The following SECTM1 variants were observed in gnomAD, a reference collection of about 807,000 sequenced individuals.
SECTM1 encodes the protein secreted and transmembrane protein 1.
SECTM1 carries 10 observed loss-of-function variants against 18.1 expected under a neutral mutation model. The ratio of observed to expected loss-of-function variants is 0.55; its 90% confidence interval spans 0.34 to 0.94. The LOEUF (loss-of-function observed/expected upper bound fraction) is 0.94. Among genes scored for constraint, SECTM1 ranks in the 40% least tolerant of loss-of-function variants. SECTM1 has a pLI of 0.02. For synonymous variants in SECTM1, 137 were observed against 139.2 expected (o/e 0.98, Z 0.11); for missense variants, 297 against 322.6 (o/e 0.92, Z 0.61).
intron 3 of SECTM1, among the ~76,000 whole-genome samples, chr17:82,324,047 C>T (rs939421934): frequency 2.0e-5 from 3 of 151,874 alleles, no homozygotes; most frequent in Admixed American, 6.6e-5. Context: ...AAGGGTGCTG[C>T]GCGGGCGACC....
In SECTM1 at chr17:82,322,376, G is replaced by T. The variant is rs771381496; in HGVS notation, c.538-6C>A. 4 of 1,613,282 alleles carry T rather than the reference G, an allele frequency of 2.5e-6. No individual in the cohort carries two copies. Among genetic ancestry groups the T allele is most frequent in the Non-Finnish European group, 3.4e-6 (4 of 1,179,630 alleles). ...TCTAGGAGGAAGAACTTCTTCTGCA[G>T]GGGGAGGAAGGAGGTGCCTGTGTGA... On this transcript the variant is annotated splice_polypyrimidine_tract_variant and splice_region_variant and intron_variant, in intron 4 of 4. Coordinates refer to ENST00000269389, the MANE Select transcript of SECTM1 (RefSeq NM_003004.3).
rs557589370 is a variant in SECTM1 at position 82,332,064 on chromosome 17, C to T, written c.-53+1636G>A. On this transcript the variant is annotated intron_variant, in intron 1 of 4. Transcript: ENST00000269389. ...GGCTGAGGCAGGAGAATCGCTTGAA[C>T]CAGGGAGGTGGAGGTTGTGGTGAGC... Among the ~76,000 whole-genome samples the T allele has an allele frequency of 1.6e-3, 239 of 152,152 alleles. 2 individuals are homozygous for T. Among genetic ancestry groups the T allele is most frequent in the African/African-American group, 5.4e-3 (225 of 41,572 alleles).
chr17:82,330,388 C>T lies in SECTM1; in HGVS notation c.-52-3096G>A, dbSNP rs1399656774. On this transcript the variant is annotated intron_variant, in intron 1 of 4. Coordinates refer to ENST00000269389, the MANE Select transcript of SECTM1 (RefSeq NM_003004.3). This position sits in a 1 kb window ranked among gnomAD's most constrained non-coding sequence, Gnocchi z 6.1. Reference sequence around the variant, plus strand: ...GTTAGGGGTGGGAATTCTGGGCACACAGCCAAAGGTCACAGATCCCCAGAG... The same window carrying T: ...GTTAGGGGTGGGAATTCTGGGCACATAGCCAAAGGTCACAGATCCCCAGAG... Among the ~76,000 whole-genome samples, 2 of 152,292 alleles carry T rather than the reference C, an allele frequency of 1.3e-5. No homozygotes were observed. Among genetic ancestry groups the T allele is most frequent in the South Asian group, 2.1e-4 (1 of 4,832 alleles).
chr17:82,324,527 C>CCCCCCCTG, intron 3 of SECTM1, 55 bp downstream of exon 3: 4 of 829,204 alleles, frequency 4.8e-6, no homozygotes, highest in South Asian at 5.0e-5. Context: ...GCCCCCTCCC[C>CCCCCCCTG]TCCCCGTGTC....
chr17:82,323,414 C>T (rs1246982001), intron 3 of SECTM1: 1 of 187,924 alleles, frequency 5.3e-6, no homozygotes, highest in East Asian at 1.4e-4. Flanking sequence ...CCAGGAAGGG[C>T]TCACCAGATG....
At position 82,326,158 on chromosome 17, in the gene SECTM1, G is replaced by T. The variant is rs2052143915; in HGVS notation, c.94+989C>A. 6.6e-6 allele frequency among the ~76,000 whole-genome samples: 1 copy of T among 151,800 alleles called. No individual in the cohort carries two copies. Among genetic ancestry groups the T allele is most frequent in the Non-Finnish European group, 1.5e-5 (1 of 67,726 alleles). ...CCAGTTACACTTTGGAACCACTGTT[G>T]GGGGGTGGGGGCAGAATCTCCCGAA... On this transcript the variant is annotated intron_variant, in intron 2 of 4. Coordinates refer to ENST00000269389, the MANE Select transcript of SECTM1 (RefSeq NM_003004.3). The surrounding 1 kb of genome is among the most constrained non-coding windows in gnomAD (Gnocchi z 4.3).
Position 82,329,106 on chromosome 17 carries a change from G to A in SECTM1, c.-52-1814C>T, listed in dbSNP as rs2052171940. ...TTACCAGGGGTCCTCCTGGAGCCTG[G>A]AGTCTGGGCCTGCTGAGGACCTGGC... is the stretch of plus-strand genomic sequence containing the variant. On this transcript the variant is annotated intron_variant, in intron 1 of 4. Transcript: ENST00000269389. The surrounding 1 kb of genome is among the most constrained non-coding windows in gnomAD (Gnocchi z 7.6). 6.6e-6 allele frequency among the ~76,000 whole-genome samples: 1 copy of A among 151,376 alleles called. No individual in the cohort carries two copies. Among genetic ancestry groups the A allele is most frequent in the South Asian group, 2.1e-4 (1 of 4,800 alleles).
intron 3 of SECTM1, 152 bp downstream of exon 3, chr17:82,324,430 C>T: frequency 1.2e-6 from 1 of 825,724 alleles, no homozygotes; most frequent in Non-Finnish European, 1.9e-6. Context: ...AACTCTCTAC[C>T]CGCCAACCCT....
chr17:82,332,694 G>A (rs2052201351), intron 1 of SECTM1, among the ~76,000 whole-genome samples: 1 of 152,214 alleles, frequency 6.6e-6, no homozygotes, highest in African/African-American at 2.4e-5. Context: ...CAGGCCCAGA[G>A]GGGACCCCAG....
At position 82,327,201 on chromosome 17, in the gene SECTM1, G is replaced by T; in HGVS notation, c.40C>A (p.Gln14Lys). The T allele has an allele frequency of 6.2e-7, 1 of 1,612,670 alleles. No homozygotes were observed. Among genetic ancestry groups the T allele is most frequent in the Non-Finnish European group, 8.5e-7 (1 of 1,179,364 alleles). Residue 14 changes from glutamine (Q) to lysine (K), a missense_variant, in exon 2 of 5, where the codon CAG (glutamine) becomes AAG (lysine). By Grantham distance (53) the Gln-to-Lys change is moderately conservative (BLOSUM62 1). Coordinates refer to ENST00000269389, the MANE Select transcript of SECTM1 (RefSeq NM_003004.3). ...CPLAFPGHVS[Q>K]ALGTLLFLAA... ...AAAAACAGGAGGGTCCCAAGGGCCT[G>T]GGAAACGTGGCCAGGGAATGCCAGG...
chr17:82,330,850 C>T lies in SECTM1; in HGVS notation c.-53+2850G>A, dbSNP rs1272538714. Among the ~76,000 whole-genome samples the T allele has an allele frequency of 3.3e-5, 5 of 152,110 alleles. No homozygotes were observed. The highest frequency in any genetic ancestry group is 1.5e-5 in the Non-Finnish European group (1 of 68,022). Reference sequence around the variant, plus strand: ...GTGGGAGTGAGAAGCTGGCACTGTCCGTCTTTCTGGCCTCATCCTCTCCAT... The same window carrying T: ...GTGGGAGTGAGAAGCTGGCACTGTCTGTCTTTCTGGCCTCATCCTCTCCAT... On this transcript the variant is annotated intron_variant, in intron 1 of 4. Transcript: ENST00000269389. The surrounding 1 kb of genome is among the most constrained non-coding windows in gnomAD (Gnocchi z 6.1).
rs748683830 is a variant in SECTM1 at position 82,322,380 on chromosome 17, G to A, written c.538-10C>T. ...GGAGGAAGAACTTCTTCTGCAGGGGGAGGAAGGAGGTGCCTGTGTGAGCCG... is the reference window on the plus strand; with the variant it reads ...GGAGGAAGAACTTCTTCTGCAGGGGAAGGAAGGAGGTGCCTGTGTGAGCCG... On this transcript the variant is annotated splice_polypyrimidine_tract_variant and intron_variant, in intron 4 of 4. Coordinates refer to ENST00000269389, the MANE Select transcript of SECTM1 (RefSeq NM_003004.3). The A allele has an allele frequency of 2.7e-5, 43 of 1,613,010 alleles. No homozygotes were observed. The highest frequency in any genetic ancestry group is 3.6e-5 in the Non-Finnish European group (42 of 1,179,504).
intron 4 of SECTM1, 36 bp from the exon 5 acceptor site, chr17:82,322,406 C>T (rs760710203): frequency 1.9e-5 from 30 of 1,598,366 alleles, no homozygotes; most frequent in Middle Eastern, 1.7e-4. Flanking sequence ...GTGTGAGCCG[C>T]GCGCCCCCGT....
At chr17:82,332,228 G>A (rs1011349953) in intron 1 of SECTM1, among the ~76,000 whole-genome samples, 50 of 152,248 alleles carry the variant, frequency 3.3e-4, no homozygotes, top group African/African-American at 1.0e-3. Context: ...GAACACAGGG[G>A]TCGGTATCTG....
intron 3 of SECTM1, chr17:82,323,289 C>T: frequency 2.3e-6 from 1 of 438,520 alleles, no homozygotes. Flanking sequence ...GAGCTGCGCG[C>T]TGGCCCGGTC....
At position 82,324,798 on chromosome 17, in the gene SECTM1, GGGAGAAGGCGTT is replaced by G; in HGVS notation, c.175_186del (p.Asn59_Ser62del). On this transcript the variant is annotated inframe_deletion, in exon 3 of 5. Coordinates refer to ENST00000269389, the MANE Select transcript of SECTM1 (RefSeq NM_003004.3). ...TGGGCACGCAGCTTGATGTTGACAT[GGGAGAAGGCGTT>G]GGAGATGTTGCAGGACATGACGGTG... The G allele has an allele frequency of 6.2e-7, 1 of 1,614,132 alleles. No individual in the cohort carries two copies. Among genetic ancestry groups the G allele is most frequent in the East Asian group, 2.2e-5 (1 of 44,874 alleles).
At position 82,322,206 on chromosome 17, in the gene SECTM1, C is replaced by T. The variant is rs2147265514; in HGVS notation, c.702G>A (p.Glu234=). 1 of 1,613,228 alleles carries T rather than the reference C, an allele frequency of 6.2e-7. No homozygotes were observed. The highest frequency in any genetic ancestry group is 8.5e-7 in the Non-Finnish European group (1 of 1,179,528). ...VFKPSPLGAL[E]LLSPQPLFPY... Reference sequence around the variant, plus strand: ...GAAACAAGGGTTGGGGGGACAGCAGCTCCAGGGCTCCAAGTGGTGAGGGTT... The same window carrying T: ...GAAACAAGGGTTGGGGGGACAGCAGTTCCAGGGCTCCAAGTGGTGAGGGTT... The change falls in exon 5 of 5, where the codon GAG becomes GAA. Residue 234 remains glutamate (E), a synonymous_variant. Transcript: ENST00000269389.
At chr17:82,332,344 C>CTG (rs200424502) in intron 1 of SECTM1, among the ~76,000 whole-genome samples, 14,887 of 152,148 alleles carry the variant, frequency 0.098, 1,307 homozygotes, top group African/African-American at 0.24. Flanking sequence ...CACGCACCGC[C>CTG]CAGCACGCCT....
In SECTM1 at chr17:82,327,153, T is replaced by G. The variant is rs1465656386; in HGVS notation, c.88A>C (p.Asn30His). The G allele has an allele frequency of 1.2e-6, 2 of 1,608,576 alleles. No homozygotes were observed. The highest frequency in any genetic ancestry group is 2.7e-5 in the African/African-American group (2 of 74,766). Residue 30 changes from asparagine to histidine, a missense_variant, in exon 2 of 5, where the codon AAT becomes CAT. Transcript: ENST00000269389. ...LFLAASLSAQ[N>H]EGWDSPICTE... ...GCGGGGCCCCGAGACCTACCTTCAT[T>G]CTGAGCACTCAAGGAGGCAGCCAAA...
Sources: allele counts gnomAD v4.1 joint callset (sites outside exome capture counted in the v4.1 genomes callset), GRCh38; gene constraint gnomAD v4.1.1; non-coding constraint Gnocchi (gnomAD v3.1); transcripts MANE v1.5; gene names NCBI Gene and HGNC (gene_info 2026-07-23, HGNC 2026-07-21).